The following CRACD variants were observed in gnomAD, a reference collection of about 807,000 sequenced individuals.
The protein encoded by CRACD is capping protein-inhibiting regulator of actin dynamics.
In CRACD, 56 loss-of-function variants were observed where a neutral mutation model predicts 106.8. That is an observed-to-expected ratio of 0.52 (90% CI 0.42 to 0.66). The LOEUF is 0.66. CRACD is among the 30% of genes least tolerant of loss of function. The probability of loss-of-function intolerance (pLI) is 0.00; values close to 1 mark genes in which losing one functional copy is unlikely to be tolerated. For synonymous variants in CRACD, 754 were observed against 670.8 expected, an observed-to-expected ratio of 1.12 and a Z score of -1.92; for missense variants, 1,730 against 1,623.2, an observed-to-expected ratio of 1.07 and a Z score of -1.13.
At position 56,216,751 on chromosome 4, in the gene CRACD, C is replaced by T. The variant is rs546526501; in HGVS notation, c.-189+37321C>T. 1.3e-3 allele frequency among the ~76,000 whole-genome samples: 191 copies of T among 151,892 alleles called. 1 individual carries two copies. Among genetic ancestry groups the T allele is most frequent in the African/African-American group, 3.7e-3 (155 of 41,462 alleles). Reference sequence around the variant, plus strand: ...ATCCCAGCACTTTGGGAGGCCGAGGCGGGTGGATCATGAGGTCAGGAGATC... The same window carrying T: ...ATCCCAGCACTTTGGGAGGCCGAGGTGGGTGGATCATGAGGTCAGGAGATC... On this transcript the variant is annotated intron_variant, in intron 2 of 10. Transcript: ENST00000682029.
At chr4:56,202,730 T>C (rs1036691516) in intron 2 of CRACD, among the ~76,000 whole-genome samples, 1 of 152,172 alleles carries the variant, frequency 6.6e-6, no homozygotes, top group African/African-American at 2.4e-5. Flanking sequence ...GAAATAGTTT[T>C]TACTCAGATT....
chr4:56,254,518 C>T (rs1177213312), intron 2 of CRACD, among the ~76,000 whole-genome samples: 3 of 151,870 alleles, frequency 2.0e-5, no homozygotes, highest in Non-Finnish European at 4.4e-5. Context: ...GGTTTTCATT[C>T]TGCTACCTCT....
intron 1 of CRACD, among the ~76,000 whole-genome samples, chr4:56,090,950 T>C (rs1262732583): frequency 6.6e-6 from 1 of 152,198 alleles, no homozygotes; most frequent in Non-Finnish European, 1.5e-5. Flanking sequence ...TCCAACTGGG[T>C]TCCTCAGAAT....
At chr4:56,247,990 G>T (rs1285287089) in intron 2 of CRACD, among the ~76,000 whole-genome samples, 1 of 152,134 alleles carries the variant, frequency 6.6e-6, no homozygotes, top group East Asian at 1.9e-4. Flanking sequence ...CGAGGCTGAA[G>T]ATTCTGTATG....
chr4:56,292,076 T>G (rs1238285947), intron 3 of CRACD, among the ~76,000 whole-genome samples: 1 of 152,238 alleles, frequency 6.6e-6, no homozygotes, highest in Non-Finnish European at 1.5e-5. Flanking sequence ...GCCAGGCTGA[T>G]GCGGTCTCAG....
chr4:56,278,742 T>A (rs1396492500), intron 3 of CRACD, among the ~76,000 whole-genome samples: 1 of 152,094 alleles, frequency 6.6e-6, no homozygotes, highest in East Asian at 1.9e-4. Context: ...TAAGTCATAT[T>A]TGGAATAAGT....
At chr4:56,298,494 C>A in intron 4 of CRACD, 145 bp downstream of exon 4, 1 of 975,234 alleles carries the variant, frequency 1.0e-6, no homozygotes, top group Non-Finnish European at 1.5e-6. Context: ...TTCTTGAATT[C>A]AACTGTATTC....
intron 2 of CRACD, among the ~76,000 whole-genome samples, chr4:56,253,025 C>T (rs1741138819): frequency 6.6e-6 from 1 of 152,154 alleles, no homozygotes; most frequent in African/African-American, 2.4e-5. Context: ...CCCAGGGTAG[C>T]AGTGGGATGA....
At chr4:56,072,452 T>C (rs937056503) in intron 1 of CRACD, among the ~76,000 whole-genome samples, 6 of 152,198 alleles carry the variant, frequency 3.9e-5, no homozygotes, top group African/African-American at 1.4e-4. Context: ...TCTTCTACTT[T>C]TCTCCTTTCA....
At chr4:56,298,881 C>G (rs771655725) in intron 4 of CRACD, among the ~76,000 whole-genome samples, 1 of 151,982 alleles carries the variant, frequency 6.6e-6, no homozygotes, top group Non-Finnish European at 1.5e-5. Flanking sequence ...TGCAGTGAGC[C>G]GAGATCATGC....
In CRACD at chr4:56,199,102, T is replaced by C. The variant is rs138784466; in HGVS notation, c.-189+19672T>C. Among the ~76,000 whole-genome samples the C allele has an allele frequency of 8.8e-3, 1,341 of 152,232 alleles. 9 individuals are homozygous for C. The highest frequency in any genetic ancestry group is 0.048 in the Middle Eastern group (14 of 294). ...ACAGTAGGCAAGCCCACGAGTTCTTTAGGAGTGGTCTTGCCTGATACATAT... is the reference window on the plus strand; with the variant it reads ...ACAGTAGGCAAGCCCACGAGTTCTTCAGGAGTGGTCTTGCCTGATACATAT... On this transcript the variant is annotated intron_variant, in intron 2 of 10. Transcript: ENST00000682029.
At chr4:56,182,435 A>C (rs1388124399) in intron 2 of CRACD, among the ~76,000 whole-genome samples, 1 of 148,702 alleles carries the variant, frequency 6.7e-6, no homozygotes, top group Non-Finnish European at 1.5e-5. Context: ...CAAAGAAACA[A>C]AAAAAAAAAA....
intron 1 of CRACD, among the ~76,000 whole-genome samples, chr4:56,052,242 A>G (rs1353556786): frequency 1.3e-5 from 2 of 152,164 alleles, no homozygotes; most frequent in African/African-American, 4.8e-5. Context: ...CACCCAGTAT[A>G]CAGATACATT....
chr4:56,122,838 A>G (rs1734534536), intron 1 of CRACD, among the ~76,000 whole-genome samples: 1 of 152,226 alleles, frequency 6.6e-6, no homozygotes, highest in African/African-American at 2.4e-5. Context: ...TCAGTGAAAT[A>G]TTGCTTGAGG....
chr4:56,314,283 T>C lies in CRACD; in HGVS notation c.781T>C (p.Trp261Arg). The change falls in exon 8 of 11, where the codon TGG becomes CGG. Residue 261 changes from tryptophan (W) to arginine (R), a missense_variant. By Grantham distance (101) the Trp-to-Arg change is moderately radical. This residue lies in a region of CRACD where 1,620 missense variants were observed against 1,481.6 expected (regional missense o/e 1.09). Transcript: ENST00000682029. This position sits in a 1 kb window ranked among gnomAD's most constrained non-coding sequence, Gnocchi z 4.4. ...QRLQALERRL[W>R]EENRRQELLE... ...GCTGCAGGCGCTGGAGAGGAGGCTT[T>C]GGGAAGAGAACAGAAGGCAGGAGCT... 6.4e-7 allele frequency: 1 copy of C among 1,558,280 alleles called. No individual in the cohort carries two copies. The highest frequency in any genetic ancestry group is 2.4e-5 in the East Asian group (1 of 41,870).
chr4:56,240,771 G>A (rs182239833), intron 2 of CRACD, among the ~76,000 whole-genome samples: 13 of 152,288 alleles, frequency 8.5e-5, no homozygotes, highest in East Asian at 3.9e-4. Context: ...GGCATAAGCC[G>A]CCACACCTAC....
chr4:56,192,629 T>G (rs962056576), intron 2 of CRACD, among the ~76,000 whole-genome samples: 1 of 151,980 alleles, frequency 6.6e-6, no homozygotes, highest in African/African-American at 2.4e-5. Flanking sequence ...AGGATTAAAG[T>G]CTAATATATA....
At chr4:56,056,586 TA>T (rs35353231) in intron 1 of CRACD, among the ~76,000 whole-genome samples, 25 of 137,170 alleles carry the variant, frequency 1.8e-4, no homozygotes, top group African/African-American at 4.7e-4. Flanking sequence ...CCTGTCTCTA[TA>T]AAAAAAAAAC....
intron 1 of CRACD, among the ~76,000 whole-genome samples, chr4:56,134,958 C>A (rs1734950831): frequency 6.6e-6 from 1 of 151,540 alleles, no homozygotes; most frequent in South Asian, 2.1e-4. Context: ...CCCTAAATAG[C>A]AGGTAGTGCC....
Sources: allele counts gnomAD v4.1 joint callset (sites outside exome capture counted in the v4.1 genomes callset), GRCh38; gene constraint gnomAD v4.1.1; regional missense constraint gnomAD v4.1.1; non-coding constraint Gnocchi (gnomAD v3.1); transcripts MANE v1.5; gene names NCBI Gene and HGNC (gene_info 2026-07-23, HGNC 2026-07-21).